NOL10: variants seen among roughly 807,000 people sequenced by gnomAD.
NOL10 encodes nucleolar protein 10, also known as H_NH0074G24.1.
In NOL10, 58 loss-of-function variants were observed where a neutral mutation model predicts 103.5. The ratio of observed to expected loss-of-function variants is 0.56; its 90% CI spans 0.45 to 0.70. The LOEUF (loss-of-function observed/expected upper bound fraction) is 0.70. Among genes scored for constraint, NOL10 ranks in the 30% least tolerant of loss-of-function variants. NOL10 has a pLI of 0.00. For missense variants in NOL10, 763 were observed against 807.3 expected, an observed-to-expected ratio of 0.95 and a Z score of 0.67; for synonymous variants, 287 against 282.5, an observed-to-expected ratio of 1.02 and a Z score of -0.16.
At chr2:10,641,849 T>C (rs1990613) in intron 13 of NOL10, among the ~76,000 whole-genome samples, 77,202 of 152,020 alleles carry the variant, frequency 0.51, 20,023 homozygotes, top group East Asian at 0.62. Flanking sequence ...CACCTCTCCA[T>C]AACGCGGCTC....
At chr2:10,649,148 A>C (rs1298469038) in intron 12 of NOL10, among the ~76,000 whole-genome samples, 1 of 152,106 alleles carries the variant, frequency 6.6e-6, no homozygotes, top group African/African-American at 2.4e-5. Flanking sequence ...GAGTGCCACC[A>C]TGTCTGCAGC....
At chr2:10,658,720 G>A (rs1405347752) in intron 10 of NOL10, among the ~76,000 whole-genome samples, 1 of 152,166 alleles carries the variant, frequency 6.6e-6, no homozygotes, top group Non-Finnish European at 1.5e-5. Context: ...AGACTCCCAA[G>A]ACTGTCTGAC....
chr2:10,651,192 A>C lies in NOL10; in HGVS notation c.973+3289T>G, dbSNP rs1446983200. On this transcript the variant is annotated intron_variant, in intron 12 of 20. Coordinates refer to ENST00000381685, the MANE Select transcript of NOL10 (RefSeq NM_024894.4). ...TGCGGGGGCCAACAGATTGGCACTC[A>C]TTTCAGCAGGTGTCTCTTTGGGCTT... 2.0e-5 allele frequency among the ~76,000 whole-genome samples: 3 copies of C among 152,182 alleles called. No individual in the cohort carries two copies. The South Asian group carries it at 6.2e-4, about 32-fold the overall frequency.
At chr2:10,678,517 T>C (rs1681490278) in intron 3 of NOL10, among the ~76,000 whole-genome samples, 1 of 151,812 alleles carries the variant, frequency 6.6e-6, no homozygotes, top group South Asian at 2.1e-4. Context: ...TAAGGATAGG[T>C]TTGAATCTGG....
At position 10,579,560 on chromosome 2, in the gene NOL10, C is replaced by CTT. The variant is rs398043037; in HGVS notation, c.1845-1824_1845-1823dup. Among the ~76,000 whole-genome samples, 1,189 of 144,316 alleles carry CTT rather than the reference C, an allele frequency of 8.2e-3. 14 individuals carry two copies. The highest frequency in any genetic ancestry group is 0.027 in the African/African-American group (1,051 of 39,302). 94.7% of individuals were successfully genotyped at this position (144,316 alleles called of 152,430 possible). A position where few individuals can be genotyped will look rare whatever the true frequency, so the allele number is the denominator to read the frequency against. On this transcript the variant is annotated intron_variant, in intron 19 of 20. Coordinates refer to ENST00000381685, the MANE Select transcript of NOL10 (RefSeq NM_024894.4). ...GGAATGAAATGAAGATTTCGGTTAG[C>CTT]TTTTTTTTTTTTTTTCCGAACAATT... is the stretch of plus-strand genomic sequence containing the variant.
chr2:10,632,832 T>C (rs534366229), intron 13 of NOL10, among the ~76,000 whole-genome samples: 2 of 152,314 alleles, frequency 1.3e-5, no homozygotes, highest in South Asian at 4.1e-4. Context: ...AATTTTAAAA[T>C]ATTATTTAAA....
rs778665431 is a variant in NOL10, at chr2:10,675,822, C to CT, written c.260_261insA (p.Lys88GlufsTer3). Reference sequence around the variant, plus strand: ...CTGAATCTAAACACCTTTCAAACTTCAAGGATAATTGATAGGTGTCATAAC... The same window carrying CT: ...CTGAATCTAAACACCTTTCAAACTTCTAAGGATAATTGATAGGTGTCATAAC... On this transcript the variant is annotated frameshift_variant, in exon 4 of 21. Coordinates refer to ENST00000381685, the MANE Select transcript of NOL10 (RefSeq NM_024894.4). LOFTEE classifies it high-confidence loss of function. The CT allele has an allele frequency of 6.3e-7, 1 of 1,578,824 alleles. No homozygotes were observed.
At chr2:10,672,925 T>A (rs906302649) in intron 5 of NOL10, among the ~76,000 whole-genome samples, 1 of 152,008 alleles carries the variant, frequency 6.6e-6, no homozygotes, top group Non-Finnish European at 1.5e-5. Flanking sequence ...CTCGGGAGGC[T>A]GATGCTGCAA....
intron 1 of NOL10, among the ~76,000 whole-genome samples, chr2:10,687,953 C>T (rs919505139): frequency 1.3e-5 from 2 of 152,272 alleles, no homozygotes; most frequent in South Asian, 4.1e-4. Flanking sequence ...TTGCTCACTA[C>T]GTTCCTCCTC....
At position 10,601,220 on chromosome 2, in the gene NOL10, C is replaced by T. The variant is rs187155205; in HGVS notation, c.1333-278G>A. ...CTGGGACCACAGGCACCCGCCACAA[C>T]GTCTGGCTAATTTTTTGTATTTTTA... On this transcript the variant is annotated intron_variant, in intron 16 of 20. Transcript: ENST00000381685. Among the ~76,000 whole-genome samples, 457 of 152,152 alleles carry T rather than the reference C, an allele frequency of 3.0e-3. 2 individuals are homozygous for T. Among genetic ancestry groups the T allele is most frequent in the African/African-American group, 0.011 (446 of 41,518 alleles).
chr2:10,574,799 T>G (rs1276363747), intron 20 of NOL10, among the ~76,000 whole-genome samples: 2 of 152,248 alleles, frequency 1.3e-5, no homozygotes, highest in Admixed American at 1.3e-4. Context: ...CTTATCTGTC[T>G]GATGGCAAAA....
chr2:10,647,175 C>T (rs887223330), intron 12 of NOL10, among the ~76,000 whole-genome samples: 8 of 108,158 alleles, frequency 7.4e-5, no homozygotes, highest in Admixed American at 6.4e-4. Flanking sequence ...TGACCCAGTA[C>T]ACTATAGTGT....
At chr2:10,651,716 C>T (rs1361625007) in intron 12 of NOL10, among the ~76,000 whole-genome samples, 2 of 152,156 alleles carry the variant, frequency 1.3e-5, no homozygotes, top group African/African-American at 4.8e-5. Context: ...CTTGCCCCAA[C>T]CTCAGCTCCA....
At chr2:10,627,447 G>A (rs1006007664) in intron 13 of NOL10, among the ~76,000 whole-genome samples, 4 of 152,082 alleles carry the variant, frequency 2.6e-5, no homozygotes, top group Middle Eastern at 3.4e-3. Context: ...AGGCTGAGGC[G>A]AGCAGATCAC....
intron 13 of NOL10, among the ~76,000 whole-genome samples, chr2:10,616,331 T>C (rs915822764): frequency 6.7e-6 from 1 of 148,488 alleles, no homozygotes; most frequent in Non-Finnish European, 1.5e-5. Flanking sequence ...TGGATTCTTG[T>C]GCCTCAGCCT....
intron 12 of NOL10, among the ~76,000 whole-genome samples, chr2:10,652,845 G>C (rs1488387552): frequency 1.3e-5 from 2 of 152,156 alleles, no homozygotes; most frequent in Non-Finnish European, 2.9e-5. Context: ...CCAAGCACAA[G>C]TCTGCGGATC....
Position 10,589,196 on chromosome 2 carries a change from T to A in NOL10, c.1691A>T (p.Gln564Leu). ...TTCCTCCTGCTGGAGGAGTCTGCGT[T>A]GCTTCCTGACCTCTTCAACCCAGGC... ...EKAWVEEVRK[Q>L]RRLLQQEEKV... Residue 564 changes from glutamine (Q) to leucine (L), a missense_variant, in exon 19 of 21, where the codon CAA becomes CTA. By Grantham distance (113) the Gln-to-Leu change is moderately radical. Coordinates refer to ENST00000381685, the MANE Select transcript of NOL10 (RefSeq NM_024894.4). 1.9e-6 allele frequency: 3 copies of A among 1,614,044 alleles called. No individual in the cohort carries two copies. The highest frequency in any genetic ancestry group is 2.5e-6 in the Non-Finnish European group (3 of 1,179,894).
At chr2:10,673,863 G>T (rs1345556454) in intron 4 of NOL10, among the ~76,000 whole-genome samples, 1 of 151,900 alleles carries the variant, frequency 6.6e-6, no homozygotes, top group Non-Finnish European at 1.5e-5. Flanking sequence ...TAATTTTAAA[G>T]ACTTTCAAAT....
intron 3 of NOL10, among the ~76,000 whole-genome samples, chr2:10,679,604 C>CTCTCTT (rs1173490604): frequency 7.3e-6 from 1 of 137,218 alleles, no homozygotes; most frequent in African/African-American, 2.6e-5. Flanking sequence ...TCTCTCCTTC[C>CTCTCTT]TCTCTTTCTC....
Sources: allele counts gnomAD v4.1 joint callset (sites outside exome capture counted in the v4.1 genomes callset), GRCh38; gene constraint gnomAD v4.1.1; transcripts MANE v1.5; gene names NCBI Gene and HGNC (gene_info 2026-07-23, HGNC 2026-07-21).